The following AMPH variants were observed in gnomAD, a reference collection of about 807,000 sequenced individuals.
The protein encoded by AMPH is amphiphysin (Stiff-Mann syndrome with breast cancer 128kD autoantigen).
In AMPH, 49 loss-of-function variants were observed where a neutral mutation model predicts 99.1. That is an observed-to-expected ratio of 0.49 (90% CI 0.39 to 0.63). The LOEUF (loss-of-function observed/expected upper bound fraction) is 0.63, where lower values mean the gene tolerates loss of function less well. Ranked by LOEUF, AMPH falls within the 20% of genes least tolerant of loss-of-function variation. The pLI is 0.00. For synonymous variants in AMPH, 314 were observed against 317.3 expected, an observed-to-expected ratio of 0.99 and a Z score of 0.11; for missense variants, 759 against 863.4, an observed-to-expected ratio of 0.88 and a Z score of 1.52.
At chr7:38,385,204 T>C (rs986707436) in intron 20 of AMPH, among the ~76,000 whole-genome samples, 3 of 152,174 alleles carry the variant, frequency 2.0e-5, no homozygotes, top group East Asian at 1.9e-4. Flanking sequence ...GTACAAAGCA[T>C]AGTTAATTGA....
chr7:38,622,670 G>A (rs1241941311), intron 1 of AMPH, among the ~76,000 whole-genome samples: 1 of 152,168 alleles, frequency 6.6e-6, no homozygotes, highest in Non-Finnish European at 1.5e-5. Context: ...TAGGCACAAT[G>A]TGTGAGGATA....
intron 15 of AMPH, among the ~76,000 whole-genome samples, chr7:38,424,004 C>T (rs574826372): frequency 3.3e-5 from 5 of 152,250 alleles, no homozygotes; most frequent in Middle Eastern, 3.4e-3. Flanking sequence ...ACCCCTCTCT[C>T]GCCACTCTGC....
intron 1 of AMPH, among the ~76,000 whole-genome samples, chr7:38,614,930 A>T (rs944652430): frequency 3.9e-5 from 6 of 152,196 alleles, no homozygotes; most frequent in African/African-American, 9.7e-5. Flanking sequence ...AAAGAAGGTA[A>T]CTGGAAGGTC....
intron 16 of AMPH, among the ~76,000 whole-genome samples, chr7:38,419,602 A>G (rs1174045703): frequency 6.6e-6 from 1 of 152,248 alleles, no homozygotes; most frequent in Non-Finnish European, 1.5e-5. Flanking sequence ...ACAAGTTTTC[A>G]TAACAGCAAA....
chr7:38,541,014 T>C (rs917936402), intron 1 of AMPH, among the ~76,000 whole-genome samples: 5 of 74,420 alleles, frequency 6.7e-5, no homozygotes, highest in African/African-American at 2.4e-4. Context: ...CACTTTCTGT[T>C]CTTAAAAAAA....
intron 17 of AMPH, among the ~76,000 whole-genome samples, chr7:38,417,452 G>A (rs1785421400): frequency 6.6e-6 from 1 of 152,160 alleles, no homozygotes; most frequent in South Asian, 2.1e-4. Context: ...TAATCAATAT[G>A]TACACACAAT....
intron 17 of AMPH, among the ~76,000 whole-genome samples, chr7:38,413,113 G>T (rs1785261615): frequency 6.6e-6 from 1 of 152,168 alleles, no homozygotes; most frequent in African/African-American, 2.4e-5. Context: ...TCATGACGAT[G>T]ATAACAATAA....
At chr7:38,596,031 ATG>A (rs1466878174) in intron 1 of AMPH, among the ~76,000 whole-genome samples, 4 of 152,148 alleles carry the variant, frequency 2.6e-5, no homozygotes, top group African/African-American at 9.7e-5. Flanking sequence ...ATATGGGTGC[ATG>A]TGTCTTTTTG....
intron 12 of AMPH, among the ~76,000 whole-genome samples, chr7:38,434,992 G>A (rs1296642788): frequency 6.6e-6 from 1 of 152,104 alleles, no homozygotes; most frequent in Non-Finnish European, 1.5e-5. Flanking sequence ...AGATTTCTGT[G>A]GTCAAACAAA....
chr7:38,600,119 G>T (rs936661327), intron 1 of AMPH, among the ~76,000 whole-genome samples: 1 of 151,880 alleles, frequency 6.6e-6, no homozygotes, highest in Non-Finnish European at 1.5e-5. Flanking sequence ...ATTTGTGATA[G>T]TTTAAAAAAA....
At chr7:38,553,389 A>G (rs1791245722) in intron 1 of AMPH, among the ~76,000 whole-genome samples, 1 of 152,252 alleles carries the variant, frequency 6.6e-6, no homozygotes, top group Admixed American at 6.5e-5. Flanking sequence ...CCTGGGGATC[A>G]TCACTGTTCC....
In AMPH at chr7:38,422,602, CCATCT is replaced by C. The variant is rs1157987235; in HGVS notation, c.1216-130_1216-126del. ...TCTATCTATCTATCTATCTATCTAT[CCATCT>C]ATCTATCGACACTCTATCTATCTAA... On this transcript the variant is annotated intron_variant, in intron 15 of 20. Transcript: ENST00000356264. 38 of 653,630 alleles carry C rather than the reference CCATCT, an allele frequency of 5.8e-5. No homozygotes were observed. The East Asian group carries it at 9.7e-4, about 17-fold the overall frequency. The allele number at this position is 653,630 out of a possible 1,614,324, so 40.5% of individuals were successfully genotyped here. A position where few individuals can be genotyped will look rare whatever the true frequency, so the allele number is the denominator to read the frequency against.
At chr7:38,507,828 G>GAGTCTATTATAATTAAGCAA (rs1789387252) in intron 2 of AMPH, among the ~76,000 whole-genome samples, 1 of 152,144 alleles carries the variant, frequency 6.6e-6, no homozygotes, top group Non-Finnish European at 1.5e-5. Context: ...GCAACAGGAG[G>GAGTCTATTATAATTAAGCAA]GCAGGGGAGT....
intron 1 of AMPH, among the ~76,000 whole-genome samples, chr7:38,551,006 T>C (rs571394833): frequency 2.0e-5 from 3 of 152,320 alleles, no homozygotes; most frequent in Non-Finnish European, 4.4e-5. Context: ...AAGCTATTCC[T>C]GACCATGACC....
chr7:38,493,601 T>C (rs1417620259), intron 4 of AMPH, among the ~76,000 whole-genome samples: 1 of 152,216 alleles, frequency 6.6e-6, no homozygotes, highest in Admixed American at 6.5e-5. Flanking sequence ...GCCAGAAGCC[T>C]GATTTCAAGT....
At chr7:38,533,856 C>T (rs1478045210) in intron 2 of AMPH, among the ~76,000 whole-genome samples, 1 of 152,160 alleles carries the variant, frequency 6.6e-6, no homozygotes, top group Non-Finnish European at 1.5e-5. Flanking sequence ...AGGCTTCTAA[C>T]CTCAGACGGC....
At chr7:38,508,272 A>G (rs939081519) in intron 2 of AMPH, among the ~76,000 whole-genome samples, 2 of 152,150 alleles carry the variant, frequency 1.3e-5, no homozygotes. Flanking sequence ...ATGGCCCCAA[A>G]TGCACAAGAA....
chr7:38,564,458 G>C (rs1222419480), intron 1 of AMPH, among the ~76,000 whole-genome samples: 1 of 152,180 alleles, frequency 6.6e-6, no homozygotes, highest in East Asian at 1.9e-4. Flanking sequence ...GAGGTAAGAG[G>C]AACAGAGCAC....
At chr7:38,467,388 C>A (rs370039053) in intron 7 of AMPH, among the ~76,000 whole-genome samples, 1 of 152,162 alleles carries the variant, frequency 6.6e-6, no homozygotes, top group East Asian at 1.9e-4. Flanking sequence ...GGACCCCACT[C>A]GCAGTGTTTG....
Sources: gnomAD v4.1 joint callset for allele counts (sites outside exome capture counted in the v4.1 genomes callset) on GRCh38, gnomAD v4.1.1 for gene constraint, MANE v1.5 for transcripts, NCBI Gene and HGNC (gene_info 2026-07-23, HGNC 2026-07-21) for gene names.